Variants in SENP6 observed in about 807,000 individuals in gnomAD.
SENP6 encodes sentrin-specific protease 6.
A neutral mutation model predicts 134.5 loss-of-function variants in SENP6; 41 were observed. The ratio of observed to expected loss-of-function variants is 0.30; its 90% confidence interval spans 0.24 to 0.40. SENP6 has a LOEUF of 0.40. Among genes scored for constraint, SENP6 ranks in the 10% least tolerant of loss-of-function variants. The pLI, the probability that SENP6 is intolerant of heterozygous loss-of-function variation, is 1.00. For synonymous variants in SENP6, 395 were observed against 429.8 expected, an observed-to-expected ratio of 0.92 and a Z score of 1.00; for missense variants, 1,248 against 1,312.5, an observed-to-expected ratio of 0.95 and a Z score of 0.76.
rs1325472308 is a variant in SENP6, at chr6:75,623,926, A to G, written c.173A>G (p.Glu58Gly). Residue 58 changes from glutamate (E) to glycine (G), a missense_variant, in exon 3 of 24, where the codon GAA becomes GGA. Around this residue, in one of 3 missense-constraint regions of SENP6, gnomAD observed 733 missense variants for 725.4 expected, o/e 1.01. Transcript: ENST00000447266. ...KDGTNLLSVD[E>G]DEDSETSKGK... ...GGGACAAATCTGCTCAGTGTGGATG[A>G]AGATGAGGATTCTGAAACCTCAAAA... 6.2e-7 allele frequency: 1 copy of G among 1,609,292 alleles called. No individual in the cohort carries two copies. The highest frequency in any genetic ancestry group is 1.7e-5 in the Admixed American group (1 of 59,686).
chr6:75,700,780 C>T (rs932937879), intron 18 of SENP6, among the ~76,000 whole-genome samples: 1 of 152,206 alleles, frequency 6.6e-6, no homozygotes, highest in Non-Finnish European at 1.5e-5. Context: ...GTGTGAGCCA[C>T]CGTGCCCGGC....
intron 14 of SENP6, 56 bp from the exon 15 acceptor site, chr6:75,678,527 T>C (rs1451577809): frequency 1.1e-6 from 1 of 874,238 alleles, no homozygotes; most frequent in Non-Finnish European, 1.9e-6. Flanking sequence ...GCTTACCCTT[T>C]TTATTGAAAC....
intron 7 of SENP6, among the ~76,000 whole-genome samples, chr6:75,650,975 TA>T (rs1396029258): frequency 1.3e-5 from 2 of 152,198 alleles, no homozygotes; most frequent in African/African-American, 2.4e-5. Context: ...GCACTTAGTA[TA>T]TTTTTTTATA....
intron 1 of SENP6, among the ~76,000 whole-genome samples, chr6:75,617,562 G>T (rs1767958458): frequency 6.6e-6 from 1 of 152,100 alleles, no homozygotes; most frequent in African/African-American, 2.4e-5. Flanking sequence ...ACAGGCAGGA[G>T]CCACTGTGCC....
intron 3 of SENP6, among the ~76,000 whole-genome samples, chr6:75,632,214 T>C (rs1396455466): frequency 1.3e-5 from 2 of 152,208 alleles, no homozygotes; most frequent in Non-Finnish European, 2.9e-5. Flanking sequence ...AGCAGAACTT[T>C]AGAGACAACC....
intron 5 of SENP6, among the ~76,000 whole-genome samples, chr6:75,639,389 T>TA (rs1336793826): frequency 6.6e-6 from 1 of 151,840 alleles, no homozygotes; most frequent in Non-Finnish European, 1.5e-5. Context: ...AAATTTTTTT[T>TA]AAATTTGTAT....
Position 75,602,521 on chromosome 6 carries a change from G to A in SENP6, c.-4G>A, listed in dbSNP as rs1281597302. ...TAAGAAGGAGGCGGCGTGGGAGGAG[G>A]AAGATGGCGGCCGGCAAGAGCGGCG... On this transcript the variant is annotated 5_prime_UTR_variant, in exon 1 of 24. Transcript: ENST00000447266. 3.9e-6 allele frequency: 6 copies of A among 1,551,378 alleles called. No individual in the cohort carries two copies. Among genetic ancestry groups the A allele is most frequent in the South Asian group, 3.6e-5 (3 of 84,060 alleles).
chr6:75,632,286 T>C (rs1383701801), intron 3 of SENP6, among the ~76,000 whole-genome samples: 2 of 152,166 alleles, frequency 1.3e-5, no homozygotes, highest in African/African-American at 4.8e-5. Context: ...AATTGACTGT[T>C]AGTAACTGAT....
At chr6:75,617,335 G>A (rs570533110) in intron 1 of SENP6, among the ~76,000 whole-genome samples, 3 of 134,056 alleles carry the variant, frequency 2.2e-5, no homozygotes, top group African/African-American at 8.6e-5. Flanking sequence ...GTGCAATGGC[G>A]TGATCTTGGC....
chr6:75,679,392 C>CA (rs1206067957), intron 16 of SENP6: 1 of 155,826 alleles, frequency 6.4e-6, no homozygotes, highest in African/African-American at 2.4e-5. Context: ...GTCAACAAAG[C>CA]AAAACTCTAC....
intron 1 of SENP6, among the ~76,000 whole-genome samples, chr6:75,613,244 G>A (rs1169944615): frequency 6.6e-6 from 1 of 152,108 alleles, no homozygotes; most frequent in Non-Finnish European, 1.5e-5. Context: ...AAAGAAGAAT[G>A]TTTCATGACA....
In SENP6 at chr6:75,702,959, C is replaced by T. The variant is rs766690644; in HGVS notation, c.2603C>T (p.Ala868Val). The change falls in exon 19 of 24, where the codon GCG becomes GTG. Residue 868 changes from alanine to valine, a missense_variant. Around this residue, in one of 3 missense-constraint regions of SENP6, gnomAD observed 386 missense variants for 395.0 expected, o/e 0.98. Coordinates refer to ENST00000447266, the MANE Select transcript of SENP6 (RefSeq NM_015571.4). ...KYSVKKINHT[A>V]SENEEFNKGE... ...AGTGTGAAAAAAATAAATCATACTG[C>T]GAGTGAAAATGAAGAATTCAATAAA... 12 of 1,613,572 alleles carry T rather than the reference C, an allele frequency of 7.4e-6. No homozygotes were observed. The highest frequency in any genetic ancestry group is 3.3e-5 in the South Asian group (3 of 91,064).
chr6:75,678,564 A>G lies in SENP6; in HGVS notation c.1849-19A>G, dbSNP rs754400299. The G allele has an allele frequency of 1.7e-6, 2 of 1,212,044 alleles. No homozygotes were observed. Among genetic ancestry groups the G allele is most frequent in the Admixed American group, 2.1e-5 (1 of 47,966 alleles). 75.1% of individuals were successfully genotyped at this position (1,212,044 alleles called of 1,614,324 possible). ...TTTCCTAATTGACTGTAAATTGCTA[A>G]TTTAATTTCCTTTACCAGGTATCAT... On this transcript the variant is annotated intron_variant, in intron 14 of 23. Coordinates refer to ENST00000447266, the MANE Select transcript of SENP6 (RefSeq NM_015571.4).
chr6:75,647,867 A>C (rs1770576567), intron 7 of SENP6, 66 bp downstream of exon 7: 2 of 1,223,144 alleles, frequency 1.6e-6, no homozygotes, highest in East Asian at 4.8e-5. Context: ...TACAATGGAG[A>C]TACGATGCTG....
chr6:75,690,698 T>G (rs1167071634), intron 16 of SENP6, among the ~76,000 whole-genome samples: 1 of 132,358 alleles, frequency 7.6e-6, no homozygotes, highest in Admixed American at 7.3e-5. Context: ...TTTTGTTTTT[T>G]GTTTTTTTTT....
At chr6:75,667,585 T>C (rs1250175412) in intron 10 of SENP6, among the ~76,000 whole-genome samples, 1 of 152,190 alleles carries the variant, frequency 6.6e-6, no homozygotes, top group Non-Finnish European at 1.5e-5. Context: ...ATATGTGCTG[T>C]TGTCAAGAAT....
At chr6:75,645,799 G>A (rs1275504956) in intron 6 of SENP6, among the ~76,000 whole-genome samples, 1 of 152,006 alleles carries the variant, frequency 6.6e-6, no homozygotes, top group African/African-American at 2.4e-5. Context: ...TTAAAAAACA[G>A]AACTTTAATT....
intron 16 of SENP6, 28 bp from the exon 17 acceptor site, chr6:75,695,776 T>C: frequency 6.6e-7 from 1 of 1,512,834 alleles, no homozygotes; most frequent in Non-Finnish European, 9.0e-7. Context: ...TTACATTAAT[T>C]ATATTTGAAT....
intron 5 of SENP6, among the ~76,000 whole-genome samples, chr6:75,637,051 T>C (rs775013518): frequency 7.9e-5 from 12 of 152,026 alleles, no homozygotes; most frequent in East Asian, 1.9e-4. Context: ...AGGCTAACTT[T>C]AAAAAAATTT....
Sources: gnomAD v4.1 joint callset for allele counts (sites outside exome capture counted in the v4.1 genomes callset) on GRCh38, gnomAD v4.1.1 for gene constraint, gnomAD v4.1.1 regional missense constraint, MANE v1.5 for transcripts, NCBI Gene and HGNC (gene_info 2026-07-23, HGNC 2026-07-21) for gene names.